The following WWC1 variants were observed in gnomAD, a reference collection of about 807,000 sequenced individuals.
WWC1 encodes WW and C2 domain containing 1.
A neutral mutation model predicts 138.4 loss-of-function variants in WWC1; 55 were observed. The observed-to-expected ratio is 0.40, with a 90% CI of 0.32 to 0.50. The LOEUF is 0.50. WWC1 is among the 20% of genes least tolerant of loss of function. The pLI, the probability that WWC1 is intolerant of heterozygous loss-of-function variation, is 0.72. For synonymous variants in WWC1, 524 were observed against 564.9 expected (o/e 0.93, Z 1.03); for missense variants, 1,226 against 1,420.4 (o/e 0.86, Z 2.20).
chr5:168,354,024 T>A (rs186848369), intron 1 of WWC1, among the ~76,000 whole-genome samples: 31 of 152,228 alleles, frequency 2.0e-4, no homozygotes, highest in African/African-American at 6.7e-4. Context: ...GCTTAGGCTC[T>A]TCCAAAAATG....
At chr5:168,414,246 T>C in intron 8 of WWC1, 102 bp from the exon 9 acceptor site, 1 of 1,478,426 alleles carries the variant, frequency 6.8e-7, no homozygotes, top group South Asian at 1.4e-5. Flanking sequence ...AGGAAGACAG[T>C]AACTGTCAAA....
chr5:168,418,600 C>T (rs1780842859), intron 9 of WWC1, among the ~76,000 whole-genome samples: 1 of 152,130 alleles, frequency 6.6e-6, no homozygotes, highest in South Asian at 2.1e-4. Flanking sequence ...GCATTGCTAG[C>T]AGTAGCTAGC....
At chr5:168,398,040 T>A (rs538890221) in intron 4 of WWC1, among the ~76,000 whole-genome samples, 45 of 152,332 alleles carry the variant, frequency 3.0e-4, no homozygotes, top group African/African-American at 1.0e-3. Flanking sequence ...ATGTGTATTA[T>A]CTCGTGTCTA....
At chr5:168,407,649 G>A (rs747974128) in intron 6 of WWC1, among the ~76,000 whole-genome samples, 10 of 152,294 alleles carry the variant, frequency 6.6e-5, no homozygotes, top group Middle Eastern at 6.8e-3. Flanking sequence ...AAGCCAGATA[G>A]ACCAGGTCCA....
Position 168,470,007 on chromosome 5 carries a change from C to T in WWC1, c.*990C>T, listed in dbSNP as rs1053030530. On this transcript the variant is annotated 3_prime_UTR_variant, in exon 23 of 23. Transcript: ENST00000265293. ...TGTCTCCTTCTATGGAATTCCACCCCACCCAGAGAGAGATGACTTCACAGT... is the reference window on the plus strand; with the variant it reads ...TGTCTCCTTCTATGGAATTCCACCCTACCCAGAGAGAGATGACTTCACAGT... The T allele has an allele frequency of 6.6e-6, 1 of 152,162 alleles. No individual in the cohort carries two copies. Among genetic ancestry groups the T allele is most frequent in the African/African-American group, 2.4e-5 (1 of 41,426 alleles). 9.4% of individuals were successfully genotyped at this position (152,162 alleles called of 1,614,324 possible).
intron 1 of WWC1, among the ~76,000 whole-genome samples, chr5:168,343,972 G>A (rs1203771446): frequency 1.3e-4 from 19 of 151,816 alleles, no homozygotes; most frequent in Admixed American, 4.6e-4. Flanking sequence ...CTTCCCCCTC[G>A]GCTCAGTTAC....
chr5:168,350,137 G>A (rs1247842867), intron 1 of WWC1, among the ~76,000 whole-genome samples: 1 of 152,142 alleles, frequency 6.6e-6, no homozygotes, highest in Non-Finnish European at 1.5e-5. Flanking sequence ...GGCTCCAGTT[G>A]TATCATCAGG....
chr5:168,454,118 G>T lies in WWC1; in HGVS notation c.2658+18G>T, dbSNP rs778567054. 6 of 1,608,128 alleles carry T rather than the reference G, an allele frequency of 3.7e-6. No homozygotes were observed. Among genetic ancestry groups the T allele is most frequent in the Non-Finnish European group, 5.1e-6 (6 of 1,178,266 alleles). The stretch of plus-strand genomic sequence containing the variant: ...CATTAAAGGTAGGAAGGGCTGGGGG[G>T]ATAGAAGGGCTGTCGTGGGGAAGGA... On this transcript the variant is annotated intron_variant, in intron 18 of 22. Transcript: ENST00000265293.
chr5:168,399,613 T>A, intron 5 of WWC1, 46 bp downstream of exon 5: 1 of 1,590,342 alleles, frequency 6.3e-7, no homozygotes, highest in Non-Finnish European at 8.6e-7. Flanking sequence ...CTCCCCACCC[T>A]GGTTCCCCTC....
At chr5:168,423,017 G>A (rs1451421685) in intron 10 of WWC1, among the ~76,000 whole-genome samples, 1 of 151,634 alleles carries the variant, frequency 6.6e-6, no homozygotes, top group Non-Finnish European at 1.5e-5. Context: ...GTGGTGGCAG[G>A]TGCCTGTAGT....
intron 1 of WWC1, among the ~76,000 whole-genome samples, chr5:168,351,123 G>A (rs1015441383): frequency 6.6e-5 from 10 of 151,370 alleles, no homozygotes; most frequent in East Asian, 1.9e-4. Context: ...CTGGAGCCTG[G>A]GCAACAGTGA....
At chr5:168,468,085 A>T in intron 22 of WWC1, 121 bp downstream of exon 22, 1 of 1,490,376 alleles carries the variant, frequency 6.7e-7, no homozygotes, top group Non-Finnish European at 9.1e-7. Context: ...TCCCTGTAAC[A>T]GATGTTCATC....
At chr5:168,320,323 C>T (rs555110181) in intron 1 of WWC1, among the ~76,000 whole-genome samples, 70 of 152,314 alleles carry the variant, frequency 4.6e-4, no homozygotes, top group African/African-American at 1.6e-3. Flanking sequence ...GCGTTAACCA[C>T]TGAACCTGGC....
intron 2 of WWC1, among the ~76,000 whole-genome samples, chr5:168,381,130 GTTGT>G (rs956591994): frequency 1.3e-5 from 2 of 152,248 alleles, no homozygotes; most frequent in African/African-American, 4.8e-5. Flanking sequence ...GAGTTTGTGT[GTTGT>G]TTTTGTCTGT....
At chr5:168,332,730 A>G (rs1161361896) in intron 1 of WWC1, among the ~76,000 whole-genome samples, 1 of 149,966 alleles carries the variant, frequency 6.7e-6, no homozygotes, top group Non-Finnish European at 1.5e-5. Flanking sequence ...TTTTTTTGTG[A>G]CAGGGTCTCA....
At chr5:168,385,491 C>A in intron 3 of WWC1, 77 bp downstream of exon 3, 1 of 1,451,800 alleles carries the variant, frequency 6.9e-7, no homozygotes, top group South Asian at 1.3e-5. Context: ...AATATTGCTT[C>A]TCAAGTCTGC....
intron 22 of WWC1, 39 bp downstream of exon 22, chr5:168,468,003 A>C (rs751369887): frequency 7.4e-6 from 12 of 1,612,214 alleles, no homozygotes; most frequent in African/African-American, 1.3e-5. Context: ...TCCCTTTCTC[A>C]GCCAACCCAC....
chr5:168,465,022 C>G (rs1232086410), intron 21 of WWC1, 60 bp downstream of exon 21: 16 of 1,576,082 alleles, frequency 1.0e-5, no homozygotes, highest in Non-Finnish European at 7.8e-6. Context: ...TCGGGGGGCA[C>G]TGCCCCGGGG....
In WWC1 at chr5:168,424,085, C is replaced by A; in HGVS notation, c.1810+17C>A. On this transcript the variant is annotated intron_variant, in intron 11 of 22. Transcript: ENST00000265293. ...TGGGCCAAGGTAGAGAGCACCATAC[C>A]CAGAGGGTGGGAACCAGGAGGAGGG... 1 of 1,565,120 alleles carries A rather than the reference C, an allele frequency of 6.4e-7. No homozygotes were observed. The highest frequency in any genetic ancestry group is 1.4e-5 in the African/African-American group (1 of 73,610).
Sources: allele counts gnomAD v4.1 joint callset (sites outside exome capture counted in the v4.1 genomes callset), GRCh38; gene constraint gnomAD v4.1.1; transcripts MANE v1.5; gene names NCBI Gene and HGNC (gene_info 2026-07-23, HGNC 2026-07-21).